The following TSPAN5 variants were observed in gnomAD, a reference collection of about 807,000 sequenced individuals.
TSPAN5 encodes tetraspanin-5.
Under a neutral mutation model 37.1 loss-of-function variants are expected in TSPAN5, and 10 were observed. The ratio of observed to expected loss-of-function variants is 0.27; its 90% CI spans 0.17 to 0.46. The LOEUF is 0.46. Among genes scored for constraint, TSPAN5 ranks in the 20% least tolerant of loss-of-function variants. TSPAN5 has a pLI of 1.00. For missense variants in TSPAN5, 195 were observed against 326.6 expected, an observed-to-expected ratio of 0.60 and a Z score of 3.11; for synonymous variants, 110 against 118.9, an observed-to-expected ratio of 0.93 and a Z score of 0.48.
Position 98,536,294 on chromosome 4 carries a change from T to C in TSPAN5, c.82-28566A>G, listed in dbSNP as rs563168781. The stretch of plus-strand genomic sequence containing the variant: ...CTTCTGCTGCCGGTCTGCTGGAGTT[T>C]GCTAGAGATCCACTCTCAGCCCTGT... On this transcript the variant is annotated intron_variant, in intron 1 of 7. Transcript: ENST00000305798. Among the ~76,000 whole-genome samples the C allele has an allele frequency of 2.8e-4, 43 of 152,276 alleles. No homozygotes were observed. In the South Asian group the frequency reaches 8.5e-3, roughly 30 times the overall value.
chr4:98,655,382 T>G (rs951690629), intron 1 of TSPAN5, among the ~76,000 whole-genome samples: 1 of 152,182 alleles, frequency 6.6e-6, no homozygotes, highest in Non-Finnish European at 1.5e-5. Flanking sequence ...GTGTAAGAAC[T>G]AGAAAGAACG....
intron 1 of TSPAN5, among the ~76,000 whole-genome samples, chr4:98,533,963 C>A (rs866242551): frequency 0.17 from 4,769 of 28,414 alleles, 156 homozygotes; most frequent in Non-Finnish European, 0.21. Flanking sequence ...AAAAAAAAAA[C>A]CAGCTCCTGG....
intron 1 of TSPAN5, among the ~76,000 whole-genome samples, chr4:98,547,481 T>C (rs577414115): frequency 1.0e-3 from 157 of 152,338 alleles, no homozygotes; most frequent in African/African-American, 3.5e-3. Context: ...CTGTACAGAC[T>C]GAATTCATTA....
At chr4:98,587,757 T>C (rs562279518) in intron 1 of TSPAN5, among the ~76,000 whole-genome samples, 3 of 152,156 alleles carry the variant, frequency 2.0e-5, no homozygotes, top group Middle Eastern at 3.4e-3. Flanking sequence ...GGCATGGTGG[T>C]GCGTGCCTGT....
intron 1 of TSPAN5, among the ~76,000 whole-genome samples, chr4:98,570,228 A>C (rs1210310717): frequency 6.6e-6 from 1 of 152,234 alleles, no homozygotes; most frequent in African/African-American, 2.4e-5. Context: ...TAAGTGGTAA[A>C]AAACAAATAG....
chr4:98,555,152 G>C (rs1265878270), intron 1 of TSPAN5, among the ~76,000 whole-genome samples: 1 of 152,130 alleles, frequency 6.6e-6, no homozygotes, highest in Non-Finnish European at 1.5e-5. Flanking sequence ...CTGGGTGCTG[G>C]TTACAGAGTT....
intron 1 of TSPAN5, among the ~76,000 whole-genome samples, chr4:98,582,201 C>T (rs763163131): frequency 2.6e-5 from 4 of 152,212 alleles, no homozygotes; most frequent in Non-Finnish European, 5.9e-5. Flanking sequence ...AGCGCATAGC[C>T]GCTGGGCCCT....
At chr4:98,579,768 G>A (rs1755328259) in intron 1 of TSPAN5, among the ~76,000 whole-genome samples, 1 of 152,126 alleles carries the variant, frequency 6.6e-6, no homozygotes, top group Non-Finnish European at 1.5e-5. Context: ...GCTATGGAAG[G>A]CGAAAGCTCC....
intron 1 of TSPAN5, among the ~76,000 whole-genome samples, chr4:98,508,287 T>C (rs1244671297): frequency 6.6e-6 from 1 of 152,182 alleles, no homozygotes; most frequent in Admixed American, 6.5e-5. Context: ...TGTGTAAATT[T>C]TAGTTCAGAG....
At chr4:98,607,908 AC>A (rs1349357885) in intron 1 of TSPAN5, among the ~76,000 whole-genome samples, 1 of 151,892 alleles carries the variant, frequency 6.6e-6, no homozygotes, top group Non-Finnish European at 1.5e-5. Flanking sequence ...AGGGAGTTTC[AC>A]CATATTGCCC....
intron 1 of TSPAN5, among the ~76,000 whole-genome samples, chr4:98,568,295 C>G (rs1463552590): frequency 4.6e-5 from 7 of 152,160 alleles, no homozygotes; most frequent in African/African-American, 1.7e-4. Context: ...GTAATCCCAG[C>G]ACTTTGGGAG....
intron 2 of TSPAN5, among the ~76,000 whole-genome samples, chr4:98,501,260 C>T (rs964055664): frequency 6.6e-6 from 1 of 152,140 alleles, no homozygotes; most frequent in Non-Finnish European, 1.5e-5. Flanking sequence ...ACGTATTTAC[C>T]TCCTTTTATT....
intron 1 of TSPAN5, among the ~76,000 whole-genome samples, chr4:98,602,007 A>G (rs1172576515): frequency 6.6e-6 from 1 of 152,232 alleles, no homozygotes; most frequent in Non-Finnish European, 1.5e-5. Flanking sequence ...ACATTTATTA[A>G]GTTTGCCTTC....
chr4:98,485,339 G>A (rs929796940), intron 3 of TSPAN5: 5 of 152,274 alleles, frequency 3.3e-5, no homozygotes, highest in African/African-American at 9.7e-5. Context: ...CTGACTAGGT[G>A]AAGAATGAAG....
At chr4:98,489,540 C>T (rs904120706) in intron 2 of TSPAN5, among the ~76,000 whole-genome samples, 1 of 152,150 alleles carries the variant, frequency 6.6e-6, no homozygotes, top group Admixed American at 6.5e-5. Flanking sequence ...ACTCTCTGGT[C>T]TGTGTTTGTT....
At position 98,592,873 on chromosome 4, in the gene TSPAN5, T is replaced by C. The variant is rs1037574082; in HGVS notation, c.81+65273A>G. On this transcript the variant is annotated intron_variant, in intron 1 of 7. Transcript: ENST00000305798. Reference sequence around the variant, plus strand: ...CTGGGTTGGTTCCAAGACTTTGCTATTGTGAATAGTGCCGCAATAAACATA... The same window carrying C: ...CTGGGTTGGTTCCAAGACTTTGCTACTGTGAATAGTGCCGCAATAAACATA... Among the ~76,000 whole-genome samples the C allele has an allele frequency of 5.4e-5, 8 of 149,200 alleles. No homozygotes were observed. In the South Asian group the frequency reaches 1.1e-3, roughly 20 times the overall value.
At chr4:98,552,232 T>A (rs1754636947) in intron 1 of TSPAN5, among the ~76,000 whole-genome samples, 1 of 152,212 alleles carries the variant, frequency 6.6e-6, no homozygotes, top group South Asian at 2.1e-4. Context: ...TGTCGCTTAT[T>A]TTCTTGTAAC....
At chr4:98,568,061 C>T (rs1755047114) in intron 1 of TSPAN5, among the ~76,000 whole-genome samples, 1 of 152,142 alleles carries the variant, frequency 6.6e-6, no homozygotes, top group Non-Finnish European at 1.5e-5. Flanking sequence ...AAAGGAGTCA[C>T]ATCACCTACG....
At chr4:98,537,498 T>G (rs1182381703) in intron 1 of TSPAN5, among the ~76,000 whole-genome samples, 1 of 152,198 alleles carries the variant, frequency 6.6e-6, no homozygotes, top group Non-Finnish European at 1.5e-5. Context: ...ACCCTGACAA[T>G]GTGCCAGAAA....
Sources: gnomAD v4.1 joint callset for allele counts (sites outside exome capture counted in the v4.1 genomes callset) on GRCh38, gnomAD v4.1.1 for gene constraint, MANE v1.5 for transcripts, NCBI Gene and HGNC (gene_info 2026-07-23, HGNC 2026-07-21) for gene names.